CDH13: variants seen among roughly 807,000 people sequenced by gnomAD.
CDH13 encodes the protein cadherin 13, also known as cadherin-13.
CDH13 carries 24 observed loss-of-function variants against 63.8 expected under a neutral mutation model. The ratio of observed to expected loss-of-function variants is 0.38; its 90% confidence interval spans 0.27 to 0.53. The LOEUF is 0.53. CDH13 is among the 20% of genes least tolerant of loss of function. The pLI is 0.85. For missense variants in CDH13, 1,049 were observed against 903.1 expected (o/e 1.16, Z -2.07); for synonymous variants, 503 against 355.3 (o/e 1.42, Z -4.67).
rs1555507574 is a variant in CDH13, at chr16:83,643,299, A to AG, written c.1102-27491_1102-27490insG. On this transcript the variant is annotated intron_variant, in intron 8 of 13. Coordinates refer to ENST00000567109, the MANE Select transcript of CDH13 (RefSeq NM_001257.5). ...AGAGTATAATAAAAAAAAAAAAAAAAAAGAAAAAAAAAATTTAACAGATCT... is the reference window on the plus strand; with the variant it reads ...AGAGTATAATAAAAAAAAAAAAAAAAGAAGAAAAAAAAAATTTAACAGATCT... 3.3e-4 allele frequency among the ~76,000 whole-genome samples: 16 copies of AG among 48,550 alleles called. 1 individual carries two copies. Among genetic ancestry groups the AG allele is most frequent in the African/African-American group, 9.8e-4 (9 of 9,222 alleles). 31.9% of individuals were successfully genotyped at this position (48,550 alleles called of 152,430 possible).
intron 1 of CDH13, among the ~76,000 whole-genome samples, chr16:82,803,321 T>C (rs1376318160): frequency 6.6e-6 from 1 of 152,196 alleles, no homozygotes; most frequent in Non-Finnish European, 1.5e-5. Context: ...TTTTGGAAAG[T>C]TCATTCTTAT....
intron 2 of CDH13, among the ~76,000 whole-genome samples, chr16:82,939,940 C>A (rs1319553495): frequency 6.6e-6 from 1 of 152,148 alleles, no homozygotes; most frequent in East Asian, 1.9e-4. Flanking sequence ...ACAGCCCTCA[C>A]AATCATGGTG....
At chr16:82,899,192 C>G (rs1427623058) in intron 2 of CDH13, among the ~76,000 whole-genome samples, 3 of 152,160 alleles carry the variant, frequency 2.0e-5, no homozygotes, top group African/African-American at 7.2e-5. Flanking sequence ...GGGAGGAAGA[C>G]CAAGTGTCTG....
intron 3 of CDH13, among the ~76,000 whole-genome samples, chr16:83,120,647 A>T (rs1392907175): frequency 6.6e-6 from 1 of 152,138 alleles, no homozygotes; most frequent in Non-Finnish European, 1.5e-5. Flanking sequence ...TGATATTCAG[A>T]TATTACAAAT....
At chr16:82,733,713 T>G (rs1043312765) in intron 1 of CDH13, among the ~76,000 whole-genome samples, 8 of 152,224 alleles carry the variant, frequency 5.3e-5, no homozygotes, top group Admixed American at 1.3e-4. Flanking sequence ...GTAAGGCTTA[T>G]GCTTTTAAGC....
chr16:83,312,321 C>G (rs1244169912), intron 5 of CDH13, among the ~76,000 whole-genome samples: 1 of 152,104 alleles, frequency 6.6e-6, no homozygotes, highest in African/African-American at 2.4e-5. Context: ...AAACTGCCAA[C>G]TAAAGCAATA....
At chr16:83,464,116 T>A (rs138020128) in intron 6 of CDH13, among the ~76,000 whole-genome samples, 2 of 152,170 alleles carry the variant, frequency 1.3e-5, no homozygotes, top group African/African-American at 4.8e-5. Context: ...CCTTGTTATC[T>A]AGGCTGGAGT....
Position 83,332,747 on chromosome 16 carries a change from A to C in CDH13, c.637-12115A>C, listed in dbSNP as rs140254722. Among the ~76,000 whole-genome samples the C allele has an allele frequency of 6.4e-3, 975 of 152,284 alleles. 8 individuals are homozygous for C. Among genetic ancestry groups the C allele is most frequent in the Non-Finnish European group, 0.011 (732 of 67,996 alleles). On this transcript the variant is annotated intron_variant, in intron 5 of 13. Transcript: ENST00000567109. ...CTTGAGGCAGAGGATATTCACTAGG[A>C]CTTTACTCAAGCTGCTTACATAAAA...
chr16:83,726,005 C>T lies in CDH13; in HGVS notation c.1539-22103C>T, dbSNP rs545422752. On this transcript the variant is annotated intron_variant, in intron 10 of 13. Transcript: ENST00000567109. Reference sequence around the variant, plus strand: ...CAGACTGAGCGATTTATGTAGCATTCTTTCCTGACTTTATTTTTCTCAGCT... The same window carrying T: ...CAGACTGAGCGATTTATGTAGCATTTTTTCCTGACTTTATTTTTCTCAGCT... 1.3e-5 allele frequency: 2 copies of T among 152,208 alleles called. 1 individual carries two copies. The highest frequency in any genetic ancestry group is 4.1e-4 in the South Asian group (2 of 4,836). 9.4% of individuals were successfully genotyped at this position (152,208 alleles called of 1,614,324 possible).
intron 5 of CDH13, among the ~76,000 whole-genome samples, chr16:83,236,326 A>T (rs200410110): frequency 6.6e-6 from 1 of 152,050 alleles, no homozygotes; most frequent in Non-Finnish European, 1.5e-5. Flanking sequence ...CTTCCTTAAA[A>T]TGTACAGTGG....
intron 2 of CDH13, among the ~76,000 whole-genome samples, chr16:82,927,529 G>A (rs1439317160): frequency 2.0e-5 from 3 of 152,296 alleles, no homozygotes; most frequent in African/African-American, 7.2e-5. Context: ...ATGTTCATAT[G>A]TGCCATTTTC....
chr16:83,342,569 T>G (rs77634043), intron 5 of CDH13, among the ~76,000 whole-genome samples: 3 of 152,186 alleles, frequency 2.0e-5, no homozygotes, highest in African/African-American at 7.2e-5. Context: ...GATTGTCTGT[T>G]TGCATAATTG....
intron 2 of CDH13, among the ~76,000 whole-genome samples, chr16:82,892,451 A>G (rs2041113201): frequency 6.6e-6 from 1 of 152,176 alleles, no homozygotes; most frequent in Non-Finnish European, 1.5e-5. Context: ...TATTCAAAAG[A>G]TTGTGCTGTC....
chr16:83,777,508 C>G (rs1309118521), intron 11 of CDH13, among the ~76,000 whole-genome samples: 1 of 152,244 alleles, frequency 6.6e-6, no homozygotes, highest in Admixed American at 6.5e-5. Flanking sequence ...GCCTGCCCCT[C>G]TCAGGACACA....
At chr16:83,662,184 T>C (rs1913500957) in intron 8 of CDH13, among the ~76,000 whole-genome samples, 1 of 152,224 alleles carries the variant, frequency 6.6e-6, no homozygotes, top group Non-Finnish European at 1.5e-5. Context: ...CTTATTATTT[T>C]TGAACTATTT....
chr16:83,350,170 G>T (rs2090922391), intron 6 of CDH13, among the ~76,000 whole-genome samples: 1 of 152,120 alleles, frequency 6.6e-6, no homozygotes, highest in Non-Finnish European at 1.5e-5. Context: ...GTCCTCTTGA[G>T]GCCTCGGCCT....
intron 5 of CDH13, among the ~76,000 whole-genome samples, chr16:83,330,013 C>T (rs1010319211): frequency 6.6e-6 from 1 of 152,126 alleles, no homozygotes; most frequent in Admixed American, 6.5e-5. Flanking sequence ...TCTTTTAAGA[C>T]CCTGCTTTCA....
chr16:83,674,103 A>G (rs1598453023), intron 9 of CDH13, among the ~76,000 whole-genome samples: 1 of 152,154 alleles, frequency 6.6e-6, no homozygotes, highest in Non-Finnish European at 1.5e-5. Context: ...GCTGCTGTCC[A>G]CTGTGCCAGC....
chr16:82,857,062 A>C (rs528960781), intron 1 of CDH13, among the ~76,000 whole-genome samples: 1 of 152,298 alleles, frequency 6.6e-6, no homozygotes, highest in South Asian at 2.1e-4. Flanking sequence ...AAGAAGAAAA[A>C]ATGCAAAGTC....
Sources: allele counts gnomAD v4.1 joint callset (sites outside exome capture counted in the v4.1 genomes callset), GRCh38; gene constraint gnomAD v4.1.1; transcripts MANE v1.5; gene names NCBI Gene and HGNC (gene_info 2026-07-23, HGNC 2026-07-21).